Variants in ANKRD28 observed in about 807,000 individuals in gnomAD.
ANKRD28 encodes serine/threonine-protein phosphatase 6 regulatory ankyrin repeat subunit A.
In ANKRD28, 44 loss-of-function variants were observed where a neutral mutation model predicts 126.5. That is an observed-to-expected ratio of 0.35 (90% CI 0.27 to 0.45). ANKRD28 has a LOEUF of 0.45. Ranked by LOEUF, ANKRD28 falls within the 20% of genes least tolerant of loss-of-function variation. ANKRD28 has a pLI of 1.00. For synonymous variants in ANKRD28, 442 were observed against 468.5 expected (o/e 0.94, Z 0.73); for missense variants, 1,110 against 1,316.6 (o/e 0.84, Z 2.43).
rs763960771 is a variant in ANKRD28, at chr3:15,814,569, AGTG to A, written c.28-19266_28-19264del. Among the ~76,000 whole-genome samples, 15 of 152,276 alleles carry A rather than the reference AGTG, an allele frequency of 9.9e-5. No individual in the cohort carries two copies. The highest frequency in any genetic ancestry group is 3.3e-4 in the Admixed American group (5 of 15,290). On this transcript the variant is annotated intron_variant, in intron 1 of 27. Transcript: ENST00000399451. The surrounding 1 kb of genome is among the most constrained non-coding windows in gnomAD (Gnocchi z 4.7). The stretch of plus-strand genomic sequence containing the variant: ...TTGGCTTCCCAGAAGAGACTTAAAA[AGTG>A]GTGTTTGTTTCTTAGAATTCCTAGC...
At position 15,697,275 on chromosome 3, in the gene ANKRD28, G is replaced by A. The variant is rs964122063; in HGVS notation, c.1548-1030C>T. ...CAAAAATGATAGAATGGACTTTGGG[G>A]ACTCAGGGGGAAGTTCCCAAATTGT... On this transcript the variant is annotated intron_variant, in intron 14 of 27. Transcript: ENST00000683139. 33 of 153,222 alleles carry A rather than the reference G, an allele frequency of 2.2e-4. 5 individuals are homozygous for A. Among genetic ancestry groups the A allele is most frequent in the Admixed American group, 9.8e-4 (15 of 15,260 alleles). 9.5% of individuals were successfully genotyped at this position (153,222 alleles called of 1,614,324 possible).
chr3:15,858,525 A>G (rs1411960822), intron 1 of ANKRD28, among the ~76,000 whole-genome samples: 1 of 152,212 alleles, frequency 6.6e-6, no homozygotes, highest in African/African-American at 2.4e-5. Flanking sequence ...CATCCAAGTT[A>G]TTTTCCCTTC....
chr3:15,797,446 C>G lies in ANKRD28; in HGVS notation c.-925G>C. The G allele has an allele frequency of 1.0e-6, 1 of 985,234 alleles. No homozygotes were observed. The highest frequency in any genetic ancestry group is 1.2e-6 in the Non-Finnish European group (1 of 829,944). The allele number at this position is 985,234 out of a possible 1,614,324, so 61.0% of individuals were successfully genotyped here. On this transcript the variant is annotated 5_prime_UTR_variant, in exon 1 of 28. Coordinates refer to ENST00000683139, the MANE Select transcript of ANKRD28 (RefSeq NM_001349278.2). ...CTGTGGCTGCTCCAGCAAAAGGGCA[C>G]AGGCACCAGGCAGAAATGGTGTTAG...
At chr3:15,829,393 CT>C (rs2061140670) in intron 1 of ANKRD28, among the ~76,000 whole-genome samples, 1 of 152,106 alleles carries the variant, frequency 6.6e-6, no homozygotes, top group Admixed American at 6.5e-5. Flanking sequence ...TTTTTAGATA[CT>C]TGTGGACAAT....
intron 27 of ANKRD28, among the ~76,000 whole-genome samples, 173 bp from the exon 28 acceptor site, chr3:15,670,729 C>T (rs1311840119): frequency 6.6e-6 from 1 of 152,080 alleles, no homozygotes. Flanking sequence ...AAAAGAATAG[C>T]CATAGAAACC....
At chr3:15,771,541 A>AG (rs1223058476) in intron 2 of ANKRD28, among the ~76,000 whole-genome samples, 6 of 152,106 alleles carry the variant, frequency 3.9e-5, no homozygotes, top group Non-Finnish European at 5.9e-5. Context: ...GAGAGAGAAG[A>AG]GGGGGTGCCA....
intron 1 of ANKRD28, among the ~76,000 whole-genome samples, chr3:15,851,589 A>AG (rs2061652863): frequency 7.2e-6 from 1 of 138,070 alleles, no homozygotes; most frequent in African/African-American, 2.7e-5. Context: ...ATAAATAAAT[A>AG]AAAGAGATAC....
At chr3:15,725,188 G>A (rs1202942380) in intron 6 of ANKRD28, among the ~76,000 whole-genome samples, 2 of 152,190 alleles carry the variant, frequency 1.3e-5, no homozygotes, top group Non-Finnish European at 2.9e-5. Context: ...CATTGTATTA[G>A]GTATTATAAG....
intron 2 of ANKRD28, among the ~76,000 whole-genome samples, chr3:15,789,535 T>C (rs930941354): frequency 6.6e-6 from 1 of 152,102 alleles, no homozygotes; most frequent in Admixed American, 6.6e-5. Context: ...AGCAGTCATC[T>C]CTTTATTATG....
chr3:15,765,883 T>C (rs899613092), intron 3 of ANKRD28, among the ~76,000 whole-genome samples: 1 of 149,374 alleles, frequency 6.7e-6, no homozygotes, highest in Non-Finnish European at 1.5e-5. Flanking sequence ...AAAAACCCGC[T>C]ACATATAATG....
At chr3:15,768,809 T>C (rs2058867530) in intron 2 of ANKRD28, among the ~76,000 whole-genome samples, 1 of 152,224 alleles carries the variant, frequency 6.6e-6, no homozygotes, top group Non-Finnish European at 1.5e-5. Context: ...CCAATAATGT[T>C]AAATTGTTCA....
chr3:15,813,940 C>T (rs566003291), intron 1 of ANKRD28, among the ~76,000 whole-genome samples: 14 of 152,196 alleles, frequency 9.2e-5, no homozygotes, highest in East Asian at 3.9e-4. Flanking sequence ...AAACTAGTTG[C>T]GATACCATTA....
At chr3:15,708,542 ACTC>A (rs2071779276) in intron 13 of ANKRD28, among the ~76,000 whole-genome samples, 5 of 152,088 alleles carry the variant, frequency 3.3e-5, no homozygotes, top group African/African-American at 9.7e-5. Context: ...AACCCTCTCA[ACTC>A]AAAGCATTTT....
At chr3:15,859,245 C>T in intron 1 of ANKRD28, 1 of 1,344,096 alleles carries the variant, frequency 7.4e-7, no homozygotes, top group East Asian at 3.1e-5. Flanking sequence ...TCGCGCAGGT[C>T]CCCGGGGCAG....
At chr3:15,850,641 C>T (rs550212692) in intron 1 of ANKRD28, among the ~76,000 whole-genome samples, 26 of 152,294 alleles carry the variant, frequency 1.7e-4, no homozygotes, top group Admixed American at 3.9e-4. Flanking sequence ...GCTGAACACA[C>T]GGAGATTCCT....
intron 1 of ANKRD28, among the ~76,000 whole-genome samples, chr3:15,826,065 C>T (rs1449290435): frequency 6.6e-6 from 1 of 151,890 alleles, no homozygotes; most frequent in African/African-American, 2.4e-5. Context: ...ATCCTATGAC[C>T]CAGCAATTTT....
intron 3 of ANKRD28, among the ~76,000 whole-genome samples, chr3:15,762,315 G>A (rs972427052): frequency 1.3e-5 from 2 of 149,076 alleles, no homozygotes; most frequent in Non-Finnish European, 2.9e-5. Context: ...GTCAACTTTC[G>A]TAAGTTAAAT....
At chr3:15,715,994 C>CTT (rs5846874) in intron 8 of ANKRD28, among the ~76,000 whole-genome samples, 1 of 142,710 alleles carries the variant, frequency 7.0e-6, no homozygotes. Context: ...TTTTTTCTCT[C>CTT]TTTTTTTTTT....
chr3:15,700,751 C>T lies in ANKRD28; in HGVS notation c.1548-4506G>A, dbSNP rs183433587. Among the ~76,000 whole-genome samples, 13 of 151,920 alleles carry T rather than the reference C, an allele frequency of 8.6e-5. No homozygotes were observed. In the East Asian group the frequency reaches 1.5e-3, roughly 18 times the overall value. On this transcript the variant is annotated intron_variant, in intron 14 of 27. Transcript: ENST00000683139. ...ATCGCGCCACTGCACTCCAGCCTGG[C>T]GACAGAGTGAGACTGCAAAAGAAAC...
Sources: gnomAD v4.1 joint callset for allele counts (sites outside exome capture counted in the v4.1 genomes callset) on GRCh38, gnomAD v4.1.1 for gene constraint, Gnocchi (gnomAD v3.1) non-coding constraint, MANE v1.5 for transcripts, NCBI Gene and HGNC (gene_info 2026-07-23, HGNC 2026-07-21) for gene names.